Variants in SORCS2 observed in about 807,000 individuals in gnomAD.
SORCS2 encodes sortilin related VPS10 domain containing receptor 2.
A neutral mutation model predicts 141.6 loss-of-function variants in SORCS2; 100 were observed. The observed-to-expected ratio is 0.71, with a 90% confidence interval of 0.60 to 0.83. The LOEUF (loss-of-function observed/expected upper bound fraction) is 0.83. SORCS2 is among the 40% of genes least tolerant of loss of function. The probability of loss-of-function intolerance (pLI) is 0.00; values close to 1 mark genes in which losing one functional copy is unlikely to be tolerated. For missense variants in SORCS2, 1,646 were observed against 1,560.2 expected (o/e 1.05, Z -0.93); for synonymous variants, 789 against 676.9 (o/e 1.17, Z -2.57).
intron 1 of SORCS2, among the ~76,000 whole-genome samples, chr4:7,226,823 G>A (rs550822364): frequency 9.9e-5 from 15 of 152,178 alleles, no homozygotes; most frequent in African/African-American, 3.1e-4. Flanking sequence ...AAGCACCGCC[G>A]GGAAGCACCA....
intron 1 of SORCS2, among the ~76,000 whole-genome samples, chr4:7,221,825 G>C (rs1460906021): frequency 6.6e-6 from 1 of 151,770 alleles, no homozygotes; most frequent in African/African-American, 2.4e-5. Context: ...ATTAAGTTAA[G>C]CATATATTTA....
At chr4:7,199,802 G>T (rs920496943) in intron 1 of SORCS2, among the ~76,000 whole-genome samples, 2 of 152,072 alleles carry the variant, frequency 1.3e-5, no homozygotes, top group African/African-American at 4.8e-5. Context: ...CCCCTCAAGT[G>T]CTGGTCTGTT....
intron 3 of SORCS2, among the ~76,000 whole-genome samples, chr4:7,619,987 C>G (rs1287189850): frequency 1.3e-5 from 2 of 152,148 alleles, no homozygotes; most frequent in Non-Finnish European, 2.9e-5. Context: ...ACAGCTGCAT[C>G]TAGTTACACC....
chr4:7,270,327 C>T lies in SORCS2; in HGVS notation c.480+77201C>T, dbSNP rs1285634529. 2.0e-5 allele frequency among the ~76,000 whole-genome samples: 3 copies of T among 152,268 alleles called. No individual in the cohort carries two copies. In the East Asian group the frequency reaches 5.8e-4, roughly 29 times the overall value. On this transcript the variant is annotated intron_variant, in intron 1 of 26. Transcript: ENST00000507866. The stretch of plus-strand genomic sequence containing the variant: ...TGTGCTGCGTTCCAGAAATAAACGT[C>T]AAGTGGCAGCTCCCCACGGCTGCGT...
chr4:7,370,609 C>T (rs192775076), intron 1 of SORCS2, among the ~76,000 whole-genome samples: 54 of 152,336 alleles, frequency 3.5e-4, no homozygotes, highest in African/African-American at 1.2e-3. Context: ...AGAGAAATAA[C>T]GTTGCCCATC....
At chr4:7,321,280 C>T (rs1718877259) in intron 1 of SORCS2, among the ~76,000 whole-genome samples, 1 of 152,154 alleles carries the variant, frequency 6.6e-6, no homozygotes, top group Non-Finnish European at 1.5e-5. Flanking sequence ...AATTTTATTC[C>T]TTTTTATGGC....
rs200362072 is a variant in SORCS2 at position 7,682,825 on chromosome 4, G to A, written c.1424G>A (p.Arg475His). ...ACGCTTATAACCTACAACAAGGGCC[G>A]CGACTGGGATTACCTGAGGCCACCC... is the stretch of plus-strand genomic sequence containing the variant. ...VMTLITYNKG[R>H]DWDYLRPPSM... The change falls in exon 10 of 27, where the codon CGC becomes CAC. Residue 475 changes from arginine (R) to histidine (H), a missense_variant. Coordinates refer to ENST00000507866, the MANE Select transcript of SORCS2 (RefSeq NM_020777.3). The A allele has an allele frequency of 7.3e-5, 118 of 1,613,086 alleles. 1 individual carries two copies. The highest frequency in any genetic ancestry group is 4.9e-4 in the Middle Eastern group (3 of 6,062).
rs776941718 is a variant in SORCS2 at position 7,638,377 on chromosome 4, T to G, written c.698T>G (p.Leu233Arg). The change falls in exon 4 of 27, where the codon CTC becomes CGC. Residue 233 changes from leucine to arginine, a missense_variant. By Grantham distance (102) the Leu-to-Arg change is moderately radical. Coordinates refer to ENST00000507866, the MANE Select transcript of SORCS2 (RefSeq NM_020777.3). ...SLSDRDQSLF[L>R]SADEGATFQK... ...AGTGACCGGGACCAGAGCCTATTCC[T>G]CAGCGCAGACGAAGGCGCCACCTTT... The G allele has an allele frequency of 1.3e-6, 2 of 1,561,592 alleles. No homozygotes were observed. Among genetic ancestry groups the G allele is most frequent in the Non-Finnish European group, 1.7e-6 (2 of 1,159,222 alleles).
At chr4:7,737,412 C>T (rs537941746) in intron 26 of SORCS2, among the ~76,000 whole-genome samples, 3 of 152,200 alleles carry the variant, frequency 2.0e-5, no homozygotes, top group South Asian at 2.1e-4. Flanking sequence ...ACGCTGAGGG[C>T]CCCATCCCTG....
chr4:7,475,885 C>G (rs1730261693), intron 2 of SORCS2, among the ~76,000 whole-genome samples: 1 of 152,234 alleles, frequency 6.6e-6, no homozygotes, highest in African/African-American at 2.4e-5. Flanking sequence ...CTGAAGGACA[C>G]TGGGTTCTTG....
chr4:7,621,891 G>A (rs1248896118), intron 3 of SORCS2, among the ~76,000 whole-genome samples: 7 of 152,216 alleles, frequency 4.6e-5, no homozygotes, highest in Non-Finnish European at 7.3e-5. Flanking sequence ...AGAGCCTGCT[G>A]GTGCTGCTGC....
chr4:7,477,366 CCG>C (rs1730364604), intron 2 of SORCS2, among the ~76,000 whole-genome samples: 6 of 134,890 alleles, frequency 4.4e-5, no homozygotes, highest in African/African-American at 1.3e-4. Flanking sequence ...CTGGGGCTGA[CCG>C]TGGCTGACCG....
At chr4:7,322,352 C>T (rs766722292) in intron 1 of SORCS2, among the ~76,000 whole-genome samples, 7 of 152,166 alleles carry the variant, frequency 4.6e-5, no homozygotes, top group Non-Finnish European at 1.0e-4. Context: ...TCTCTGGACA[C>T]AATGTGCTCC....
intron 2 of SORCS2, among the ~76,000 whole-genome samples, chr4:7,435,425 G>A (rs914076620): frequency 6.6e-6 from 1 of 152,244 alleles, no homozygotes; most frequent in African/African-American, 2.4e-5. Flanking sequence ...TGGCCTCAGG[G>A]CCACGTGCCC....
At chr4:7,626,842 G>C (rs887202372) in intron 3 of SORCS2, among the ~76,000 whole-genome samples, 1 of 152,118 alleles carries the variant, frequency 6.6e-6, no homozygotes, top group African/African-American at 2.4e-5. Context: ...TACAGTCCCT[G>C]GTGCTCAGTG....
At chr4:7,307,955 G>A (rs1485107042) in intron 1 of SORCS2, among the ~76,000 whole-genome samples, 1 of 152,142 alleles carries the variant, frequency 6.6e-6, no homozygotes, top group African/African-American at 2.4e-5. Context: ...TGTGTACACA[G>A]TGTGTGTCTG....
chr4:7,586,939 T>C (rs1385022398), intron 3 of SORCS2, among the ~76,000 whole-genome samples: 1 of 152,072 alleles, frequency 6.6e-6, no homozygotes, highest in Non-Finnish European at 1.5e-5. Flanking sequence ...TAGCATTCTT[T>C]TCTGCTTGGA....
intron 3 of SORCS2, among the ~76,000 whole-genome samples, chr4:7,610,802 C>T (rs1016252789): frequency 4.8e-4 from 73 of 152,216 alleles, no homozygotes; most frequent in African/African-American, 1.5e-3. Flanking sequence ...TGGTAAAGTC[C>T]CGGGAGCCAA....
chr4:7,599,310 T>G (rs1464067347), intron 3 of SORCS2, among the ~76,000 whole-genome samples: 2 of 152,068 alleles, frequency 1.3e-5, no homozygotes, highest in Admixed American at 6.5e-5. Context: ...AGAGCACGGG[T>G]GAGGACTGAA....
Sources: allele counts gnomAD v4.1 joint callset (sites outside exome capture counted in the v4.1 genomes callset), GRCh38; gene constraint gnomAD v4.1.1; transcripts MANE v1.5; gene names NCBI Gene and HGNC (gene_info 2026-07-23, HGNC 2026-07-21).